TNRC6A: variants seen among roughly 807,000 people sequenced by gnomAD.
TNRC6A encodes trinucleotide repeat-containing gene 6A protein.
In TNRC6A, 44 loss-of-function variants were observed where a neutral mutation model predicts 221.2. The observed-to-expected ratio is 0.20, with a 90% CI of 0.16 to 0.26. The LOEUF (loss-of-function observed/expected upper bound fraction) is 0.26. Among genes scored for constraint, TNRC6A ranks in the 10% least tolerant of loss-of-function variants. The probability of loss-of-function intolerance (pLI) is 1.00; values close to 1 mark genes in which losing one functional copy is unlikely to be tolerated. For missense variants in TNRC6A, 2,199 were observed against 2,404.4 expected (o/e 0.91, Z 1.79); for synonymous variants, 847 against 838.5 (o/e 1.01, Z -0.18).
At chr16:24,805,575 A>C (rs1381494784) in intron 14 of TNRC6A, 30 bp from the exon 15 acceptor site, 2 of 1,612,528 alleles carry the variant, frequency 1.2e-6, no homozygotes, top group Admixed American at 1.7e-5. Flanking sequence ...TATTTTATCA[A>C]GATCATTAAC....
At chr16:24,631,858 T>C (rs1327551659) in intron 1 of TNRC6A, among the ~76,000 whole-genome samples, 2 of 151,710 alleles carry the variant, frequency 1.3e-5, no homozygotes, top group Non-Finnish European at 2.9e-5. Flanking sequence ...CTTTTCTTGT[T>C]TGTTTGAGTT....
At chr16:24,788,002 A>C (rs2058011347) in intron 5 of TNRC6A, among the ~76,000 whole-genome samples, 1 of 152,240 alleles carries the variant, frequency 6.6e-6, no homozygotes, top group Admixed American at 6.5e-5. Context: ...TCCTCAAGAC[A>C]GTCAGAATGC....
intron 4 of TNRC6A, among the ~76,000 whole-genome samples, chr16:24,762,487 A>G (rs1256690945): frequency 6.6e-6 from 1 of 152,236 alleles, no homozygotes; most frequent in Non-Finnish European, 1.5e-5. Context: ...AGTTCAGAAC[A>G]GGGTCCTGAA....
intron 2 of TNRC6A, among the ~76,000 whole-genome samples, chr16:24,699,150 T>A (rs577468978): frequency 1.2e-4 from 18 of 152,322 alleles, no homozygotes; most frequent in African/African-American, 3.6e-4. Flanking sequence ...CATTTAATCT[T>A]CAAAACTTCA....
Position 24,790,881 on chromosome 16 carries a change from G to A in TNRC6A, c.2239G>A (p.Asp747Asn), listed in dbSNP as rs1490234886. 1 of 1,614,008 alleles carries A rather than the reference G, an allele frequency of 6.2e-7. No individual in the cohort carries two copies. ...ATCACCTAGAGGGGAACGAAAGACT[G>A]ACAATGGGACAGAGGCCTGGGGAAG... ...ETSPRGERKT[D>N]NGTEAWGSSA... Residue 747 changes from aspartate (D) to asparagine (N), a missense_variant, in exon 6 of 25, where the codon GAC (aspartate) becomes AAC (asparagine). Physicochemically the swap from Asp to Asn is conservative, Grantham distance 23 (BLOSUM62 1). Transcript: ENST00000395799.
intron 11 of TNRC6A, among the ~76,000 whole-genome samples, chr16:24,801,291 A>G (rs1180763811): frequency 6.6e-6 from 1 of 152,184 alleles, no homozygotes; most frequent in African/African-American, 2.4e-5. Context: ...TCCTAAGCAG[A>G]AGTGGGACAA....
At chr16:24,654,400 A>G (rs2521470) in intron 2 of TNRC6A, among the ~76,000 whole-genome samples, 116,660 of 151,790 alleles carry the variant, frequency 0.77, 45,444 homozygotes, top group East Asian at 0.99. Flanking sequence ...TTTTAGTAAT[A>G]GTCCCTATAA....
intron 2 of TNRC6A, among the ~76,000 whole-genome samples, chr16:24,682,485 C>G (rs1307141347): frequency 1.3e-5 from 2 of 151,642 alleles, no homozygotes; most frequent in Non-Finnish European, 2.9e-5. Flanking sequence ...GCCTCGGCCT[C>G]CCTAAGTGCT....
intron 1 of TNRC6A, among the ~76,000 whole-genome samples, chr16:24,617,187 G>A (rs1900402692): frequency 6.7e-6 from 1 of 148,790 alleles, no homozygotes; most frequent in African/African-American, 2.5e-5. Flanking sequence ...GTGCAGTGGT[G>A]CAATCATAGC....
At chr16:24,773,995 C>G (rs1289608089) in intron 4 of TNRC6A, among the ~76,000 whole-genome samples, 2 of 152,096 alleles carry the variant, frequency 1.3e-5, no homozygotes, top group Non-Finnish European at 2.9e-5. Context: ...TATTGTGACA[C>G]AGATAATTGG....
chr16:24,674,988 T>A (rs1214713240), intron 2 of TNRC6A, among the ~76,000 whole-genome samples: 1 of 151,988 alleles, frequency 6.6e-6, no homozygotes, highest in Middle Eastern at 3.4e-3. Flanking sequence ...AAAACAAAAA[T>A]TTTTTTAATT....
At chr16:24,687,749 T>C (rs2055654813) in intron 2 of TNRC6A, among the ~76,000 whole-genome samples, 1 of 151,208 alleles carries the variant, frequency 6.6e-6, no homozygotes, top group African/African-American at 2.4e-5. Context: ...CAATGAGCTA[T>C]GATCATGTTA....
At chr16:24,783,671 T>C (rs914700066) in intron 5 of TNRC6A, among the ~76,000 whole-genome samples, 15 of 152,226 alleles carry the variant, frequency 9.9e-5, no homozygotes, top group African/African-American at 2.7e-4. Flanking sequence ...GCCTACAGCA[T>C]TGCAGCGTAT....
At chr16:24,676,507 G>A (rs1414661408) in intron 2 of TNRC6A, among the ~76,000 whole-genome samples, 1 of 152,108 alleles carries the variant, frequency 6.6e-6, no homozygotes, top group Non-Finnish European at 1.5e-5. Flanking sequence ...CCAGGCTGGA[G>A]TGCAATGGCA....
At chr16:24,649,816 C>CTTTTT (rs35308503) in intron 2 of TNRC6A, among the ~76,000 whole-genome samples, 1 of 78,920 alleles carries the variant, frequency 1.3e-5, no homozygotes, top group African/African-American at 5.8e-5. Context: ...CTCTCTCTCT[C>CTTTTT]TTTTTTTTTT....
rs1050921890 is a variant in TNRC6A, at chr16:24,806,840, C to T, written c.4540+56C>T. ...TGATGCTTAGGTATCACAGGCGTGC[C>T]TCCTTCACACGTACCCTTACAGCTC... On this transcript the variant is annotated intron_variant, in intron 17 of 24. Transcript: ENST00000395799. 1.3e-5 allele frequency: 19 copies of T among 1,493,970 alleles called. No individual in the cohort carries two copies. The African/African-American group carries it at 1.9e-4, about 15-fold the overall frequency. 92.5% of individuals were successfully genotyped at this position (1,493,970 alleles called of 1,614,324 possible). A position where few individuals can be genotyped will look rare whatever the true frequency, so the allele number is the denominator to read the frequency against.
chr16:24,759,212 T>G (rs2057312911), intron 4 of TNRC6A, among the ~76,000 whole-genome samples: 1 of 147,450 alleles, frequency 6.8e-6, no homozygotes. Flanking sequence ...GTGGTGGTAT[T>G]CCTAGAGCGT....
At chr16:24,698,485 C>T (rs1488494227) in intron 2 of TNRC6A, among the ~76,000 whole-genome samples, 1 of 151,900 alleles carries the variant, frequency 6.6e-6, no homozygotes. Flanking sequence ...ATTAAACACC[C>T]GTACATTCTT....
chr16:24,703,462 C>T (rs2056029432), intron 2 of TNRC6A, among the ~76,000 whole-genome samples: 1 of 152,162 alleles, frequency 6.6e-6, no homozygotes, highest in Non-Finnish European at 1.5e-5. Context: ...CATCTGTAGT[C>T]TGTTACTCAG....
Sources: allele counts gnomAD v4.1 joint callset (sites outside exome capture counted in the v4.1 genomes callset), GRCh38; gene constraint gnomAD v4.1.1; transcripts MANE v1.5; gene names NCBI Gene and HGNC (gene_info 2026-07-23, HGNC 2026-07-21).